The following GRM1 variants were observed in gnomAD, a reference collection of about 807,000 sequenced individuals.
GRM1 encodes glutamate metabotropic receptor 1.
A neutral mutation model predicts 90.9 loss-of-function variants in GRM1; 33 were observed. The ratio of observed to expected loss-of-function variants is 0.36; its 90% CI spans 0.28 to 0.49. The LOEUF (loss-of-function observed/expected upper bound fraction) is 0.49. GRM1 is among the 20% of genes least tolerant of loss of function. The probability of loss-of-function intolerance (pLI) is 0.99; values close to 1 mark genes in which losing one functional copy is unlikely to be tolerated. For missense variants in GRM1, 1,190 were observed against 1,534.3 expected, an observed-to-expected ratio of 0.78 and a Z score of 3.75; for synonymous variants, 700 against 613.2, an observed-to-expected ratio of 1.14 and a Z score of -2.09.
chr6:146,295,212 C>G (rs1783133607), intron 2 of GRM1, among the ~76,000 whole-genome samples: 1 of 151,774 alleles, frequency 6.6e-6, no homozygotes, highest in Admixed American at 6.6e-5. Flanking sequence ...ATAGTATCAT[C>G]TATCCATTTA....
At position 146,433,793 on chromosome 6, in the gene GRM1, G is replaced by T. The variant is rs1362769594; in HGVS notation, c.2661-79G>T. Reference sequence around the variant, plus strand: ...CAGCAGTTAAATCACACTGAGCTAGGTTTGCATATGTTTTCTATGTATTTT... The same window carrying T: ...CAGCAGTTAAATCACACTGAGCTAGTTTTGCATATGTTTTCTATGTATTTT... On this transcript the variant is annotated intron_variant, in intron 7 of 7. Transcript: ENST00000282753. 5 of 1,033,422 alleles carry T rather than the reference G, an allele frequency of 4.8e-6. No homozygotes were observed. In the African/African-American group the frequency reaches 7.8e-5, roughly 16 times the overall value. 64.0% of individuals were successfully genotyped at this position (1,033,422 alleles called of 1,614,324 possible). A position where few individuals can be genotyped will look rare whatever the true frequency, so the allele number is the denominator to read the frequency against.
At chr6:146,386,430 T>C (rs1410369560) in intron 5 of GRM1, among the ~76,000 whole-genome samples, 1 of 152,112 alleles carries the variant, frequency 6.6e-6, no homozygotes, top group Non-Finnish European at 1.5e-5. Flanking sequence ...TGTCTAATAA[T>C]TCAGTTTTTC....
chr6:146,138,964 C>T (rs994670540), intron 1 of GRM1, among the ~76,000 whole-genome samples: 4 of 151,474 alleles, frequency 2.6e-5, no homozygotes, highest in African/African-American at 7.3e-5. Flanking sequence ...ACACTTACAG[C>T]GCTAAAATTT....
chr6:146,116,935 C>T (rs1264768092), intron 1 of GRM1, among the ~76,000 whole-genome samples: 1 of 151,830 alleles, frequency 6.6e-6, no homozygotes, highest in Non-Finnish European at 1.5e-5. Context: ...TCTCACCACC[C>T]CCACTCCCAT....
rs1562570925 is a variant in GRM1, at chr6:146,270,845, TTCTTTTTCTTTC to T, written c.951-33764_951-33753del. 3.4e-3 allele frequency among the ~76,000 whole-genome samples: 494 copies of T among 146,320 alleles called. 1 individual carries two copies. The highest frequency in any genetic ancestry group is 7.4e-3 in the African/African-American group (286 of 38,520). ...TGCCTGCCTGCCTGCCTGCCTTTCT[TTCTTTTTCTTTC>T]TTTCTTTCTTTCTTTCTTTCTTTCT... On this transcript the variant is annotated intron_variant, in intron 2 of 7. Transcript: ENST00000282753.
intron 2 of GRM1, among the ~76,000 whole-genome samples, chr6:146,218,237 G>A (rs1488550920): frequency 6.6e-6 from 1 of 152,144 alleles, no homozygotes; most frequent in Non-Finnish European, 1.5e-5. Flanking sequence ...CTGGTTATTA[G>A]AATTCAGTTT....
In GRM1 at chr6:146,324,186, T is replaced by C. The variant is rs1190553448; in HGVS notation, c.1186+19340T>C. On this transcript the variant is annotated intron_variant, in intron 3 of 7. Transcript: ENST00000282753. The stretch of plus-strand genomic sequence containing the variant: ...GTTGGAAATTCCCAGCAGCTTTGTT[T>C]ACACTGGGAGGGGAAAACCACCTAC... Among the ~76,000 whole-genome samples, 4 of 152,188 alleles carry C rather than the reference T, an allele frequency of 2.6e-5. No homozygotes were observed. In the South Asian group the frequency reaches 8.3e-4, roughly 31 times the overall value.
chr6:146,199,119 T>C (rs1779216692), intron 2 of GRM1, among the ~76,000 whole-genome samples: 1 of 152,192 alleles, frequency 6.6e-6, no homozygotes, highest in African/African-American at 2.4e-5. Context: ...TGGACAATTT[T>C]TGTGATACTA....
intron 2 of GRM1, among the ~76,000 whole-genome samples, chr6:146,254,418 T>C (rs1781410579): frequency 6.6e-6 from 1 of 152,172 alleles, no homozygotes; most frequent in African/African-American, 2.4e-5. Flanking sequence ...ATTGGGATGC[T>C]GAGAAGGAAG....
chr6:146,123,705 C>G (rs1776090171), intron 1 of GRM1, among the ~76,000 whole-genome samples: 1 of 152,098 alleles, frequency 6.6e-6, no homozygotes, highest in South Asian at 2.1e-4. Flanking sequence ...TAGTAGCCTT[C>G]CCTCATGTCT....
intron 7 of GRM1, among the ~76,000 whole-genome samples, chr6:146,415,653 C>A (rs2114641196): frequency 6.6e-6 from 1 of 152,248 alleles, no homozygotes; most frequent in African/African-American, 2.4e-5. Context: ...CAACTTCGTT[C>A]TTATTTTCCA....
intron 3 of GRM1, among the ~76,000 whole-genome samples, chr6:146,318,339 T>C (rs1451113027): frequency 6.6e-6 from 1 of 152,206 alleles, no homozygotes; most frequent in African/African-American, 2.4e-5. Context: ...CTCGTCATCC[T>C]TTTTTATGGC....
chr6:146,216,629 T>C (rs546996880), intron 2 of GRM1, among the ~76,000 whole-genome samples: 98 of 152,354 alleles, frequency 6.4e-4, no homozygotes, highest in South Asian at 1.5e-3. Context: ...TAACAGAAAC[T>C]GGGGCTAATG....
intron 3 of GRM1, among the ~76,000 whole-genome samples, chr6:146,337,878 A>C (rs1171892240): frequency 1.3e-5 from 2 of 152,228 alleles, no homozygotes; most frequent in African/African-American, 2.4e-5. Context: ...CAAAAAGAAT[A>C]ATTTTGCACT....
intron 1 of GRM1, among the ~76,000 whole-genome samples, chr6:146,097,368 G>A (rs1332999483): frequency 1.3e-5 from 2 of 152,122 alleles, no homozygotes; most frequent in South Asian, 2.1e-4. Context: ...AATCCTGTGA[G>A]TAGAAAAATA....
intron 2 of GRM1, among the ~76,000 whole-genome samples, chr6:146,208,849 C>T (rs1779581378): frequency 6.6e-6 from 1 of 151,876 alleles, no homozygotes; most frequent in Admixed American, 6.6e-5. Flanking sequence ...TTATAAATGC[C>T]AGTGATTATA....
chr6:146,252,476 A>C (rs1336901619), intron 2 of GRM1, among the ~76,000 whole-genome samples: 4 of 152,016 alleles, frequency 2.6e-5, no homozygotes, highest in African/African-American at 9.7e-5. Flanking sequence ...TATCTCTACT[A>C]AAAATAGAAA....
chr6:146,112,549 T>TA (rs1775598501), intron 1 of GRM1, among the ~76,000 whole-genome samples: 1 of 152,156 alleles, frequency 6.6e-6, no homozygotes, highest in Non-Finnish European at 1.5e-5. Context: ...GAGATCAAGA[T>TA]AGAGACCCCT....
At chr6:146,293,970 A>AAT (rs1783085945) in intron 2 of GRM1, among the ~76,000 whole-genome samples, 1 of 147,404 alleles carries the variant, frequency 6.8e-6, no homozygotes, top group Non-Finnish European at 1.5e-5. Context: ...TTTATGCTAA[A>AAT]TATTGTTTTT....
Sources: allele counts gnomAD v4.1 joint callset (sites outside exome capture counted in the v4.1 genomes callset), GRCh38; gene constraint gnomAD v4.1.1; transcripts MANE v1.5; gene names NCBI Gene and HGNC (gene_info 2026-07-23, HGNC 2026-07-21).